Variants in ATG5 observed in about 807,000 individuals in gnomAD.
ATG5 encodes the protein autophagy protein 5.
A neutral mutation model predicts 36.5 loss-of-function variants in ATG5; 14 were observed. That is an observed-to-expected ratio of 0.38 (90% confidence interval 0.25 to 0.60). The LOEUF (loss-of-function observed/expected upper bound fraction) is 0.60. Ranked by LOEUF, ATG5 falls within the 20% of genes least tolerant of loss-of-function variation. The probability of loss-of-function intolerance (pLI) is 0.60; values close to 1 mark genes in which losing one functional copy is unlikely to be tolerated. For missense variants in ATG5, 195 were observed against 326.7 expected (o/e 0.60, Z 3.11); for synonymous variants, 95 against 101.5 (o/e 0.94, Z 0.38).
intron 3 of ATG5, among the ~76,000 whole-genome samples, chr6:106,293,972 T>C (rs906604478): frequency 1.3e-5 from 2 of 152,198 alleles, no homozygotes; most frequent in African/African-American, 4.8e-5. Flanking sequence ...TTCAGCTTTT[T>C]TTTTTTTCTT....
At chr6:106,193,275 G>A (rs1355297675) in intron 7 of ATG5, among the ~76,000 whole-genome samples, 2 of 152,080 alleles carry the variant, frequency 1.3e-5, no homozygotes, top group African/African-American at 2.4e-5. Context: ...AGCAGTACAG[G>A]TCTTAATGAA....
intron 5 of ATG5, among the ~76,000 whole-genome samples, chr6:106,251,395 T>TA (rs1408756345): frequency 6.6e-6 from 1 of 151,812 alleles, no homozygotes; most frequent in East Asian, 2.0e-4. Flanking sequence ...AGCCCTAAGG[T>TA]AAAATATATA....
chr6:106,189,159 G>C (rs1338038151), intron 7 of ATG5, among the ~76,000 whole-genome samples: 1 of 152,114 alleles, frequency 6.6e-6, no homozygotes, highest in African/African-American at 2.4e-5. Context: ...CCCTACCATG[G>C]AGAATAACTC....
At chr6:106,305,422 C>T (rs1474741580) in intron 3 of ATG5, among the ~76,000 whole-genome samples, 1 of 152,074 alleles carries the variant, frequency 6.6e-6, no homozygotes, top group Admixed American at 6.5e-5. Context: ...CATGATTTGT[C>T]AAGGACTTTA....
At chr6:106,228,585 A>G (rs1777539392) in intron 6 of ATG5, among the ~76,000 whole-genome samples, 1 of 152,104 alleles carries the variant, frequency 6.6e-6, no homozygotes, top group African/African-American at 2.4e-5. Flanking sequence ...CCATCATCTT[A>G]GAAGCAGCCC....
intron 5 of ATG5, among the ~76,000 whole-genome samples, chr6:106,263,831 A>G (rs1195167340): frequency 6.6e-6 from 1 of 151,968 alleles, no homozygotes; most frequent in Non-Finnish European, 1.5e-5. Flanking sequence ...ACTCCATCCA[A>G]AGGTCATTAG....
intron 4 of ATG5, among the ~76,000 whole-genome samples, chr6:106,291,152 A>G (rs1209482470): frequency 6.6e-6 from 1 of 152,200 alleles, no homozygotes; most frequent in Non-Finnish European, 1.5e-5. Context: ...TTTCCTCAAG[A>G]CAACCATATT....
intron 1 of ATG5, among the ~76,000 whole-genome samples, chr6:106,319,123 G>C (rs1256014379): frequency 2.6e-5 from 4 of 152,132 alleles, no homozygotes; most frequent in Non-Finnish European, 5.9e-5. Context: ...TGGGAAAACA[G>C]CACTTACCAC....
At chr6:106,243,961 C>A in intron 6 of ATG5, among the ~76,000 whole-genome samples, 1 of 106,790 alleles carries the variant, frequency 9.4e-6, no homozygotes, top group Admixed American at 1.4e-4. Context: ...GATGCCCAGG[C>A]TTGAGTGTAG....
At chr6:106,259,729 T>C (rs796852465) in intron 5 of ATG5, among the ~76,000 whole-genome samples, 42 of 152,300 alleles carry the variant, frequency 2.8e-4, no homozygotes, top group African/African-American at 9.9e-4. Flanking sequence ...TAATGACTTT[T>C]AAATACATGA....
chr6:106,251,670 G>GAGGGA (rs1778588924), intron 5 of ATG5, among the ~76,000 whole-genome samples: 2 of 14,700 alleles, frequency 1.4e-4, no homozygotes, highest in African/African-American at 2.4e-4. Flanking sequence ...GAAGGGAGGG[G>GAGGGA]GAGGGGGAGA....
intron 5 of ATG5, among the ~76,000 whole-genome samples, chr6:106,257,860 A>T (rs1158242361): frequency 1.3e-5 from 2 of 152,198 alleles, no homozygotes; most frequent in Non-Finnish European, 2.9e-5. Flanking sequence ...AGATAGAAAA[A>T]ACAGCATGCT....
At chr6:106,285,797 C>T (rs932383221) in intron 4 of ATG5, among the ~76,000 whole-genome samples, 1 of 152,134 alleles carries the variant, frequency 6.6e-6, no homozygotes, top group African/African-American at 2.4e-5. Flanking sequence ...TTTCACGTCA[C>T]AAAATATTTT....
chr6:106,291,432 A>C (rs1582661179), intron 4 of ATG5, among the ~76,000 whole-genome samples: 2 of 152,342 alleles, frequency 1.3e-5, no homozygotes, highest in Non-Finnish European at 2.9e-5. Context: ...GTAAATGTTA[A>C]CACAACGGGA....
In ATG5 at chr6:106,208,654, T is replaced by C. The variant is rs373885087; in HGVS notation, c.574-6565A>G. ...ACCCATAAAAGGGAATACTAATAAA[T>C]AGACTTAATTAAAATTAAACAACAA... On this transcript the variant is annotated intron_variant, in intron 6 of 7. Transcript: ENST00000369076. Among the ~76,000 whole-genome samples, 110 of 152,024 alleles carry C rather than the reference T, an allele frequency of 7.2e-4. No homozygotes were observed. The South Asian group carries it at 0.013, about 17-fold the overall frequency.
intron 6 of ATG5, among the ~76,000 whole-genome samples, chr6:106,225,827 T>C (rs138891251): frequency 1.4e-4 from 21 of 152,292 alleles, no homozygotes; most frequent in African/African-American, 4.1e-4. Flanking sequence ...TCAGTGGCAA[T>C]TGTTAAACAT....
chr6:106,303,539 AG>A (rs1342088832), intron 3 of ATG5, among the ~76,000 whole-genome samples: 1 of 152,150 alleles, frequency 6.6e-6, no homozygotes, highest in Non-Finnish European at 1.5e-5. Flanking sequence ...ACATCAGAAC[AG>A]AACACTTTCG....
chr6:106,293,632 A>C (rs1420786265), intron 3 of ATG5, among the ~76,000 whole-genome samples: 3 of 152,192 alleles, frequency 2.0e-5, no homozygotes, highest in Non-Finnish European at 2.9e-5. Context: ...ACTATCCTTT[A>C]CAAACTGTAC....
At chr6:106,249,700 G>C (rs1562236382) in intron 5 of ATG5, among the ~76,000 whole-genome samples, 1 of 152,166 alleles carries the variant, frequency 6.6e-6, no homozygotes, top group Non-Finnish European at 1.5e-5. Flanking sequence ...TTTCCAAAGT[G>C]AGTGTACTAC....
Sources: allele counts gnomAD v4.1 joint callset (sites outside exome capture counted in the v4.1 genomes callset), GRCh38; gene constraint gnomAD v4.1.1; transcripts MANE v1.5; gene names NCBI Gene and HGNC (gene_info 2026-07-23, HGNC 2026-07-21).